The following THAP6 variants were observed in gnomAD, a reference collection of about 807,000 sequenced individuals.
THAP6 encodes the protein THAP domain containing 6.
In THAP6, 13 loss-of-function variants were observed where a neutral mutation model predicts 20.0. That is an observed-to-expected ratio of 0.65 (90% CI 0.42 to 1.03). The LOEUF is 1.03. THAP6 is among the 50% of genes least tolerant of loss of function. The pLI, the probability that THAP6 is intolerant of heterozygous loss-of-function variation, is 0.00. For synonymous variants in THAP6, 93 were observed against 92.2 expected, an observed-to-expected ratio of 1.01 and a Z score of -0.05; for missense variants, 262 against 261.6, an observed-to-expected ratio of 1.00 and a Z score of -0.01.
chr4:75,520,164 TTTG>T (rs1332713802), intron 3 of THAP6, among the ~76,000 whole-genome samples: 1 of 152,214 alleles, frequency 6.6e-6, no homozygotes, highest in Admixed American at 6.5e-5. Flanking sequence ...TTGCCCACTT[TTTG>T]ATGGGGTTGT....
At chr4:75,542,655 C>CATATCATT in intron 3 of THAP6, 1 of 526,304 alleles carries the variant, frequency 1.9e-6, no homozygotes, top group Non-Finnish European at 3.4e-6. Flanking sequence ...ACGATGTCTT[C>CATATCATT]ATATCATTAT....
intron 4 of THAP6, among the ~76,000 whole-genome samples, chr4:75,526,337 TTAAA>T (rs1427057753): frequency 2.0e-5 from 3 of 152,336 alleles, no homozygotes; most frequent in Admixed American, 6.5e-5. Flanking sequence ...AATTTTAATA[TTAAA>T]TAATAGCTTT....
intron 4 of THAP6, 44 bp from the exon 5 acceptor site, chr4:75,526,916 C>T (rs1364970780): frequency 6.3e-7 from 1 of 1,594,598 alleles, no homozygotes; most frequent in South Asian, 1.1e-5. Context: ...TTTTATCCAA[C>T]TACATATCTG....
At chr4:75,525,065 T>G (rs1726280384) in intron 4 of THAP6, among the ~76,000 whole-genome samples, 2 of 152,214 alleles carry the variant, frequency 1.3e-5, no homozygotes, top group Non-Finnish European at 2.9e-5. Context: ...ATAATTTTTG[T>G]TTTTTTCTAC....
chr4:75,531,737 A>G (rs1012582094), downstream of THAP6, among the ~76,000 whole-genome samples: 2 of 151,884 alleles, frequency 1.3e-5, no homozygotes, highest in African/African-American at 4.8e-5. Context: ...CACATCTTAC[A>G]TGGATGACAG....
chr4:75,535,891 C>T (rs746877944), intron 2 of THAP6, among the ~76,000 whole-genome samples: 1 of 152,150 alleles, frequency 6.6e-6, no homozygotes, highest in Non-Finnish European at 1.5e-5. Context: ...TGGGTACCTA[C>T]ATCATAACTG....
chr4:75,529,042 G>A lies in THAP6; in HGVS notation c.*1828G>A. 2.4e-6 allele frequency: 2 copies of A among 842,788 alleles called. No homozygotes were observed. Among genetic ancestry groups the A allele is most frequent in the Non-Finnish European group, 2.9e-6 (2 of 700,110 alleles). 52.2% of individuals were successfully genotyped at this position (842,788 alleles called of 1,614,324 possible). On this transcript the variant is annotated 3_prime_UTR_variant, in exon 5 of 5. Coordinates refer to ENST00000311638, the MANE Select transcript of THAP6 (RefSeq NM_144721.6). ...CACTCCAGCCTGAGCAACAGAGCAA[G>A]ACTCCATCTCAAAAAAACAAAACTA... is the stretch of plus-strand genomic sequence containing the variant.
At chr4:75,520,769 C>T (rs1182042517) in intron 3 of THAP6, among the ~76,000 whole-genome samples, 1 of 152,130 alleles carries the variant, frequency 6.6e-6, no homozygotes, top group African/African-American at 2.4e-5. Flanking sequence ...AATCTATCCC[C>T]CTACTAGCTA....
At chr4:75,535,083 C>T (rs748829692) in intron 2 of THAP6, among the ~76,000 whole-genome samples, 2 of 152,178 alleles carry the variant, frequency 1.3e-5, no homozygotes, top group Admixed American at 1.3e-4. Flanking sequence ...AATCAGGCTG[C>T]TATAAAGACA....
In THAP6 at chr4:75,527,405, G is replaced by A; in HGVS notation, c.*191G>A. On this transcript the variant is annotated 3_prime_UTR_variant, in exon 5 of 5. Transcript: ENST00000311638. ...AAATTTGTGGTAATTATGTATTTGT[G>A]TCTTGTGACAATTATGTTTTATAGA... is the stretch of plus-strand genomic sequence containing the variant. 7.2e-7 allele frequency: 1 copy of A among 1,390,390 alleles called. No individual in the cohort carries two copies. Among genetic ancestry groups the A allele is most frequent in the South Asian group, 1.7e-5 (1 of 58,366 alleles). The allele number at this position is 1,390,390 out of a possible 1,614,324, so 86.1% of individuals were successfully genotyped here.
chr4:75,542,246 C>A (rs1727025027), intron 2 of THAP6, among the ~76,000 whole-genome samples: 1 of 152,186 alleles, frequency 6.6e-6, no homozygotes, highest in African/African-American at 2.4e-5. Context: ...TGCCTCCATC[C>A]CTTGTTGAGA....
intron 2 of THAP6, among the ~76,000 whole-genome samples, chr4:75,542,112 A>C (rs1727021960): frequency 6.6e-6 from 1 of 152,206 alleles, no homozygotes; most frequent in Admixed American, 6.5e-5. Context: ...ATTTCAAAGA[A>C]ATCTCCCAAA....
chr4:75,531,453 A>C (rs1726677291), downstream of THAP6, among the ~76,000 whole-genome samples: 1 of 152,188 alleles, frequency 6.6e-6, no homozygotes, highest in Non-Finnish European at 1.5e-5. Context: ...CTTTTGCTAT[A>C]ATCATAGCCT....
At chr4:75,514,321 C>G (rs201951635), upstream of THAP6, 493 of 1,593,516 alleles carry the variant, frequency 3.1e-4, no homozygotes, top group Non-Finnish European at 3.9e-4. Flanking sequence ...ACCGATCCTT[C>G]CCCCAGGATA....
intron 4 of THAP6, among the ~76,000 whole-genome samples, chr4:75,522,790 T>TAA (rs1358825730): frequency 6.6e-6 from 1 of 152,220 alleles, no homozygotes; most frequent in African/African-American, 2.4e-5. Flanking sequence ...TTTAATGGCT[T>TAA]AATAGTACTC....
intron 4 of THAP6, among the ~76,000 whole-genome samples, chr4:75,524,346 T>A (rs574778956): frequency 6.6e-6 from 1 of 152,194 alleles, no homozygotes; most frequent in Non-Finnish European, 1.5e-5. Context: ...TTTAAAGAGA[T>A]TTAGATAATA....
intron 2 of THAP6, among the ~76,000 whole-genome samples, chr4:75,540,838 T>C (rs1726982514): frequency 6.6e-6 from 1 of 152,206 alleles, no homozygotes; most frequent in African/African-American, 2.4e-5. Context: ...AGAAATTACC[T>C]TTGAAATCCT....
chr4:75,533,592 G>A (rs1726755241), downstream of THAP6, among the ~76,000 whole-genome samples: 1 of 152,206 alleles, frequency 6.6e-6, no homozygotes, highest in East Asian at 1.9e-4. Context: ...ACCCGAGACT[G>A]GGCAATTTAC....
chr4:75,522,880 G>A (rs913355039), intron 4 of THAP6, among the ~76,000 whole-genome samples: 1 of 151,970 alleles, frequency 6.6e-6, no homozygotes, highest in Admixed American at 6.6e-5. Flanking sequence ...ATCGGCTATT[G>A]TGAACAGTCT....
Sources: allele counts gnomAD v4.1 joint callset (sites outside exome capture counted in the v4.1 genomes callset), GRCh38; gene constraint gnomAD v4.1.1; transcripts MANE v1.5; gene names NCBI Gene and HGNC (gene_info 2026-07-23, HGNC 2026-07-21).